The following CNTN5 variants were observed in gnomAD, a reference collection of about 807,000 sequenced individuals.
CNTN5 encodes contactin 5, also known as contactin-5.
Under a neutral mutation model 129.1 loss-of-function variants are expected in CNTN5, and 77 were observed. That is an observed-to-expected ratio of 0.60 (90% CI 0.50 to 0.72). The LOEUF is 0.72. CNTN5 is among the 30% of genes least tolerant of loss of function. CNTN5 has a pLI of 0.00. For missense variants in CNTN5, 1,478 were observed against 1,328.8 expected (o/e 1.11, Z -1.75); for synonymous variants, 509 against 465.6 (o/e 1.09, Z -1.20).
At chr11:99,399,228 A>G (rs1941678588) in intron 2 of CNTN5, among the ~76,000 whole-genome samples, 1 of 151,736 alleles carries the variant, frequency 6.6e-6, no homozygotes, top group South Asian at 2.1e-4. Flanking sequence ...TATTGTCTAT[A>G]CATATAATTG....
intron 2 of CNTN5, among the ~76,000 whole-genome samples, chr11:99,541,658 T>G (rs2135496479): frequency 6.6e-6 from 1 of 152,192 alleles, no homozygotes; most frequent in Non-Finnish European, 1.5e-5. Flanking sequence ...CTATTGAAAT[T>G]TTGGGCTCAG....
chr11:99,819,482 A>G (rs1946715146), intron 3 of CNTN5, 62 bp from the exon 4 acceptor site: 4 of 1,432,220 alleles, frequency 2.8e-6, no homozygotes, highest in East Asian at 4.7e-5. Context: ...AACAATCTTC[A>G]TAAGAAAAAA....
At position 99,814,956 on chromosome 11, in the gene CNTN5, T is replaced by G. The variant is rs187934771; in HGVS notation, c.56-4588T>G. ...CTTCACAAGGTGGCAGTAGAGAGAA[T>G]TGACTGAAGGTGGATCTTGACAAAC... On this transcript the variant is annotated intron_variant, in intron 3 of 24. Transcript: ENST00000524871. Among the ~76,000 whole-genome samples the G allele has an allele frequency of 2.5e-3, 377 of 152,096 alleles. 1 individual carries two copies. The highest frequency in any genetic ancestry group is 4.2e-3 in the Non-Finnish European group (287 of 67,972).
chr11:100,356,288 A>C lies in CNTN5; in HGVS notation c.*68A>C, dbSNP rs1952523676. ...ACAGCGGTGAATAGAGTGTAGTGTA[A>C]GTGGAGAACCAGGATCCTGAGATGA... On this transcript the variant is annotated 3_prime_UTR_variant, in exon 25 of 25. Transcript: ENST00000524871. 1 of 1,061,482 alleles carries C rather than the reference A, an allele frequency of 9.4e-7. No individual in the cohort carries two copies. The highest frequency in any genetic ancestry group is 1.6e-5 in the African/African-American group (1 of 63,214). 65.8% of individuals were successfully genotyped at this position (1,061,482 alleles called of 1,614,324 possible). A position where few individuals can be genotyped will look rare whatever the true frequency, so the allele number is the denominator to read the frequency against.
intron 1 of CNTN5, among the ~76,000 whole-genome samples, chr11:99,055,930 G>C (rs777144623): frequency 6.6e-5 from 10 of 151,754 alleles, no homozygotes; most frequent in Non-Finnish European, 1.5e-4. Context: ...TGTCTCCTTC[G>C]GTTTCAATTT....
chr11:99,066,740 G>A (rs78902235), intron 1 of CNTN5, among the ~76,000 whole-genome samples: 2,913 of 152,154 alleles, frequency 0.019, 74 homozygotes, highest in African/African-American at 0.055. Context: ...CTTACATTGT[G>A]AAATCCAGCA....
intron 2 of CNTN5, among the ~76,000 whole-genome samples, chr11:99,379,614 A>G (rs1565534743): frequency 6.6e-6 from 1 of 152,210 alleles, no homozygotes; most frequent in Admixed American, 6.5e-5. Flanking sequence ...GTTTTAATAA[A>G]CTGAAGAGAA....
intron 1 of CNTN5, among the ~76,000 whole-genome samples, chr11:99,233,340 T>TG (rs1861100557): frequency 2.0e-5 from 3 of 152,158 alleles, no homozygotes; most frequent in Admixed American, 6.5e-5. Flanking sequence ...ACTTCCAATT[T>TG]GAAACAACAA....
At chr11:99,608,000 A>G (rs1263067366) in intron 3 of CNTN5, among the ~76,000 whole-genome samples, 1 of 138,806 alleles carries the variant, frequency 7.2e-6, no homozygotes, top group Non-Finnish European at 1.6e-5. Context: ...ACCTAATGCT[A>G]GATGACACAT....
chr11:99,879,848 G>C (rs570529164), intron 6 of CNTN5, among the ~76,000 whole-genome samples: 1 of 152,178 alleles, frequency 6.6e-6, no homozygotes, highest in Non-Finnish European at 1.5e-5. Context: ...TTTGACTTTA[G>C]TAGGTCTAGC....
intron 1 of CNTN5, among the ~76,000 whole-genome samples, chr11:99,063,902 A>G (rs1364191332): frequency 6.6e-6 from 1 of 152,144 alleles, no homozygotes; most frequent in Non-Finnish European, 1.5e-5. Context: ...GTACACATGT[A>G]CATGACTAAA....
chr11:99,325,897 G>A (rs2041777460), intron 2 of CNTN5, among the ~76,000 whole-genome samples: 1 of 152,156 alleles, frequency 6.6e-6, no homozygotes, highest in Non-Finnish European at 1.5e-5. Flanking sequence ...CTTTTTGTAT[G>A]TGCTCGAATT....
At chr11:99,316,866 G>T (rs1370776229) in intron 1 of CNTN5, among the ~76,000 whole-genome samples, 1 of 152,228 alleles carries the variant, frequency 6.6e-6, no homozygotes, top group Non-Finnish European at 1.5e-5. Context: ...ATGATCGCGG[G>T]CTCTGGCTGC....
intron 3 of CNTN5, among the ~76,000 whole-genome samples, chr11:99,568,290 G>T (rs1285612023): frequency 6.6e-6 from 1 of 152,020 alleles, no homozygotes; most frequent in Non-Finnish European, 1.5e-5. Context: ...TAATTACATT[G>T]ATTTTCTTTA....
intron 1 of CNTN5, among the ~76,000 whole-genome samples, chr11:99,201,570 T>G (rs1251897164): frequency 6.6e-6 from 1 of 152,022 alleles, no homozygotes; most frequent in Non-Finnish European, 1.5e-5. Context: ...TGTGGATGGA[T>G]TTGGTGATTG....
At chr11:100,095,776 A>G (rs1034555270) in intron 13 of CNTN5, among the ~76,000 whole-genome samples, 2 of 152,018 alleles carry the variant, frequency 1.3e-5, no homozygotes, top group East Asian at 1.9e-4. Flanking sequence ...AGAGAAAACA[A>G]TTAAAGAAAA....
intron 1 of CNTN5, among the ~76,000 whole-genome samples, chr11:99,129,883 A>C (rs1344242488): frequency 6.6e-6 from 1 of 152,202 alleles, no homozygotes; most frequent in Non-Finnish European, 1.5e-5. Flanking sequence ...AGTGAAGGAC[A>C]AATAAAATCC....
intron 18 of CNTN5, among the ~76,000 whole-genome samples, chr11:100,280,391 T>TA (rs112918184): frequency 0.023 from 3,439 of 152,174 alleles, 135 homozygotes; most frequent in African/African-American, 0.079. Context: ...TTCAAATTGT[T>TA]ATATCCTCTT....
intron 21 of CNTN5, among the ~76,000 whole-genome samples, chr11:100,326,310 A>T (rs1312839076): frequency 1.3e-5 from 2 of 152,200 alleles, no homozygotes; most frequent in African/African-American, 4.8e-5. Flanking sequence ...AAAAGGAATA[A>T]CAGAAAAAAA....
Sources: allele counts gnomAD v4.1 joint callset (sites outside exome capture counted in the v4.1 genomes callset), GRCh38; gene constraint gnomAD v4.1.1; transcripts MANE v1.5; gene names NCBI Gene and HGNC (gene_info 2026-07-23, HGNC 2026-07-21).